The following MKLN1 variants were observed in gnomAD, a reference collection of about 807,000 sequenced individuals.
The protein encoded by MKLN1 is muskelin.
In MKLN1, 18 loss-of-function variants were observed where a neutral mutation model predicts 99.0. That is an observed-to-expected ratio of 0.18 (90% CI 0.13 to 0.27). The LOEUF (loss-of-function observed/expected upper bound fraction) is 0.27. Ranked by LOEUF, MKLN1 falls within the 10% of genes least tolerant of loss-of-function variation. MKLN1 has a pLI of 1.00. For synonymous variants in MKLN1, 288 were observed against 293.2 expected (o/e 0.98, Z 0.18); for missense variants, 621 against 875.9 (o/e 0.71, Z 3.67).
intron 2 of MKLN1, among the ~76,000 whole-genome samples, chr7:131,143,792 C>T (rs1023408240): frequency 5.9e-5 from 9 of 152,106 alleles, no homozygotes; most frequent in Non-Finnish European, 1.3e-4. Context: ...CACAACACTG[C>T]ACTCTAGCCT....
intron 1 of MKLN1, among the ~76,000 whole-genome samples, chr7:131,370,443 A>C (rs1047770341): frequency 8.6e-5 from 13 of 150,500 alleles, no homozygotes; most frequent in African/African-American, 3.2e-4. Flanking sequence ...AAAAGTGATA[A>C]GATGATTTCC....
intron 3 of MKLN1, among the ~76,000 whole-genome samples, chr7:131,215,753 A>G (rs1796971583): frequency 6.6e-6 from 1 of 152,212 alleles, no homozygotes; most frequent in African/African-American, 2.4e-5. Context: ...TGATGGAGAT[A>G]CCATGGATTC....
At chr7:131,347,187 G>T (rs568042662) in intron 1 of MKLN1, among the ~76,000 whole-genome samples, 1 of 152,028 alleles carries the variant, frequency 6.6e-6, no homozygotes. Context: ...AAATAGAAAC[G>T]AAAGGAAAAA....
chr7:131,479,872 A>C (rs199550927), intron 17 of MKLN1, among the ~76,000 whole-genome samples: 1 of 101,654 alleles, frequency 9.8e-6, no homozygotes, highest in Admixed American at 9.6e-5. Flanking sequence ...ATAAATAAAT[A>C]AATCAGCCGG....
At chr7:131,336,072 A>G (rs1321337289) in intron 1 of MKLN1, among the ~76,000 whole-genome samples, 1 of 150,092 alleles carries the variant, frequency 6.7e-6, no homozygotes, top group African/African-American at 2.5e-5. Flanking sequence ...GTGATTGTGG[A>G]TTTGTATATT....
At position 131,492,242 on chromosome 7, in the gene MKLN1, TG is replaced by T. The variant is rs1175579890; in HGVS notation, c.*4515del. The T allele has an allele frequency of 6.6e-6, 1 of 152,344 alleles. No individual in the cohort carries two copies. Among genetic ancestry groups the T allele is most frequent in the Non-Finnish European group, 1.5e-5 (1 of 68,022 alleles). 9.4% of individuals were successfully genotyped at this position (152,344 alleles called of 1,614,324 possible). A position where few individuals can be genotyped will look rare whatever the true frequency, so the allele number is the denominator to read the frequency against. On this transcript the variant is annotated 3_prime_UTR_variant, in exon 18 of 18. Transcript: ENST00000352689. ...TTTTTATTGTATTTTTTAACCTTTT[TG>T]TTTCTATTCCTACCTCCCATGAGTA... is the stretch of plus-strand genomic sequence containing the variant.
intron 15 of MKLN1, among the ~76,000 whole-genome samples, chr7:131,470,138 A>G (rs745942347): frequency 6.6e-6 from 1 of 152,206 alleles, no homozygotes; most frequent in Non-Finnish European, 1.5e-5. Flanking sequence ...AAGTGTTGGG[A>G]TTACAGGCAT....
rs532216902 is a variant in MKLN1, at chr7:131,118,548, T to A, written c.-419+8341T>A. On this transcript the variant is annotated intron_variant, in intron 1 of 7. Transcript: ENST00000416992. ...AGCCTGAGCAACAAGAGCAAAACTCTGTCTCAAAAAAAAAAAAAGAAAGAA... is the reference window on the plus strand; with the variant it reads ...AGCCTGAGCAACAAGAGCAAAACTCAGTCTCAAAAAAAAAAAAAGAAAGAA... Among the ~76,000 whole-genome samples the A allele has an allele frequency of 3.1e-4, 14 of 44,642 alleles. No homozygotes were observed. The East Asian group carries it at 6.5e-3, about 21-fold the overall frequency. The allele number at this position is 44,642 out of a possible 152,430, so 29.3% of individuals were successfully genotyped here. A position where few individuals can be genotyped will look rare whatever the true frequency, so the allele number is the denominator to read the frequency against.
chr7:131,232,849 A>AAAAT (rs1229788771), intron 3 of MKLN1, among the ~76,000 whole-genome samples: 2 of 151,956 alleles, frequency 1.3e-5, no homozygotes, highest in African/African-American at 2.4e-5. Context: ...CCATCTCCAA[A>AAAAT]AAATAAATAA....
intron 3 of MKLN1, among the ~76,000 whole-genome samples, chr7:131,300,890 A>G (rs972319187): frequency 6.6e-5 from 10 of 152,104 alleles, no homozygotes; most frequent in Non-Finnish European, 1.0e-4. Context: ...TACAAGGTGG[A>G]TGTTTATGCT....
At chr7:131,471,002 T>G in intron 16 of MKLN1, 58 bp downstream of exon 16, 1 of 1,223,246 alleles carries the variant, frequency 8.2e-7, no homozygotes. Flanking sequence ...TCTTCCTAAC[T>G]TATATTTAAT....
chr7:131,161,708 C>T (rs997449096), intron 2 of MKLN1, among the ~76,000 whole-genome samples: 13 of 151,752 alleles, frequency 8.6e-5, no homozygotes, highest in Admixed American at 6.6e-4. Flanking sequence ...CCCGCCACCA[C>T]GCCCAGCTAA....
chr7:131,419,704 T>A (rs1795134152), intron 8 of MKLN1, among the ~76,000 whole-genome samples: 1 of 152,216 alleles, frequency 6.6e-6, no homozygotes, highest in South Asian at 2.1e-4. Context: ...CTACTACTCT[T>A]GGTTTTTTTT....
At chr7:131,131,269 C>T (rs991773714) in intron 1 of MKLN1, among the ~76,000 whole-genome samples, 3 of 150,976 alleles carry the variant, frequency 2.0e-5, no homozygotes, top group Non-Finnish European at 3.0e-5. Flanking sequence ...GCCAGCTACT[C>T]GGGAGGCTGA....
rs1563247548 is a variant in MKLN1 at position 131,192,221 on chromosome 7, A to AAAT, written c.-296-10635_-296-10634insATA. ...ATATATACAATATATAAATATATAA[A>AAAT]ATATATACAATATATAAATATATAA... On this transcript the variant is annotated intron_variant, in intron 2 of 7. Coordinates refer to the MKLN1 transcript ENST00000416992. Among the ~76,000 whole-genome samples the AAAT allele has an allele frequency of 1.0e-3, 40 of 39,320 alleles. 4 individuals are homozygous for AAAT. The highest frequency in any genetic ancestry group is 5.4e-3 in the African/African-American group (38 of 6,988). 25.8% of individuals were successfully genotyped at this position (39,320 alleles called of 152,430 possible).
intron 3 of MKLN1, among the ~76,000 whole-genome samples, chr7:131,248,069 CATTTATTATTT>C (rs146276492): frequency 0.053 from 6,823 of 129,352 alleles, 199 homozygotes; most frequent in African/African-American, 0.12. Context: ...CAGCTAATTA[CATTTATTATTT>C]ATTTATTTAT....
intron 9 of MKLN1, among the ~76,000 whole-genome samples, chr7:131,433,402 G>A (rs1795583768): frequency 6.6e-6 from 1 of 152,164 alleles, no homozygotes; most frequent in Non-Finnish European, 1.5e-5. Flanking sequence ...ACTTGGTTAA[G>A]GAGATGCCCA....
At chr7:131,279,739 G>A (rs1181502428) in intron 3 of MKLN1, among the ~76,000 whole-genome samples, 2 of 152,100 alleles carry the variant, frequency 1.3e-5, no homozygotes, top group Admixed American at 1.3e-4. Flanking sequence ...CTGGCAAGGT[G>A]GAGACTGCAG....
chr7:131,226,610 T>C (rs949727062), intron 3 of MKLN1, among the ~76,000 whole-genome samples: 2 of 152,204 alleles, frequency 1.3e-5, no homozygotes, highest in Non-Finnish European at 2.9e-5. Flanking sequence ...GTCATTTCAC[T>C]ATTGGAGTTT....
Sources: allele counts gnomAD v4.1 joint callset (sites outside exome capture counted in the v4.1 genomes callset), GRCh38; gene constraint gnomAD v4.1.1; transcripts MANE v1.5; gene names NCBI Gene and HGNC (gene_info 2026-07-23, HGNC 2026-07-21).